Variants in KCNN2 observed in about 807,000 individuals in gnomAD.
KCNN2 encodes the protein small conductance calcium-activated potassium channel protein 2.
In KCNN2, 24 loss-of-function variants were observed where a neutral mutation model predicts 55.5. The observed-to-expected ratio is 0.43, with a 90% CI of 0.31 to 0.61. The LOEUF (loss-of-function observed/expected upper bound fraction) is 0.61, where lower values mean the gene tolerates loss of function less well. Among genes scored for constraint, KCNN2 ranks in the 20% least tolerant of loss-of-function variants. The pLI is 0.08. For synonymous variants in KCNN2, 431 were observed against 336.1 expected (o/e 1.28, Z -3.09); for missense variants, 754 against 853.6 (o/e 0.88, Z 1.45).
chr5:114,134,724 CT>C (rs1561489677), intron 1 of KCNN2, among the ~76,000 whole-genome samples: 5 of 152,106 alleles, frequency 3.3e-5, no homozygotes, highest in African/African-American at 1.2e-4. Flanking sequence ...ATCCATCCGT[CT>C]TGGTCTCCCA....
At chr5:114,141,881 G>T (rs1002536548) in intron 1 of KCNN2, among the ~76,000 whole-genome samples, 17 of 152,358 alleles carry the variant, frequency 1.1e-4, no homozygotes, top group Non-Finnish European at 2.1e-4. Flanking sequence ...CTGATGGCCA[G>T]TGATGATGAG....
chr5:114,392,979 G>A (rs868378973), intron 2 of KCNN2, among the ~76,000 whole-genome samples: 2 of 151,884 alleles, frequency 1.3e-5, no homozygotes, highest in African/African-American at 4.8e-5. Flanking sequence ...CATGGGTTAT[G>A]TGAAGCTTCT....
At chr5:114,230,040 G>A (rs1580641160) in intron 2 of KCNN2, among the ~76,000 whole-genome samples, 1 of 152,084 alleles carries the variant, frequency 6.6e-6, no homozygotes, top group Admixed American at 6.6e-5. Context: ...GTGAGAAATG[G>A]CTCAAACACA....
chr5:114,432,433 G>A (rs338667), intron 3 of KCNN2, among the ~76,000 whole-genome samples: 151,507 of 152,386 alleles, frequency 0.99, 75,323 homozygotes, highest in East Asian at 1. Flanking sequence ...ATCATTCTCT[G>A]TTGCCTTACT....
chr5:114,456,567 A>T (rs1580862640), intron 3 of KCNN2, among the ~76,000 whole-genome samples: 1 of 152,308 alleles, frequency 6.6e-6, no homozygotes, highest in East Asian at 1.9e-4. Flanking sequence ...AAGTCATATT[A>T]TTTCAAAAAT....
chr5:114,057,661 A>G (rs10061762), intron 1 of KCNN2, among the ~76,000 whole-genome samples: 52,601 of 151,966 alleles, frequency 0.35, 9,217 homozygotes, highest in South Asian at 0.43. Flanking sequence ...TATAAAGAAA[A>G]GAGAACAGAG....
At chr5:114,238,521 G>A (rs1439100138) in intron 2 of KCNN2, among the ~76,000 whole-genome samples, 1 of 151,894 alleles carries the variant, frequency 6.6e-6, no homozygotes, top group African/African-American at 2.4e-5. Flanking sequence ...AGCTACTCGG[G>A]GGACTGAGGC....
At chr5:114,272,447 C>CAT (rs10654368) in intron 2 of KCNN2, among the ~76,000 whole-genome samples, 117,750 of 130,642 alleles carry the variant, frequency 0.9, 55,016 homozygotes, top group Middle Eastern at 0.97. Context: ...CATATACACA[C>CAT]ATATGTATGT....
intron 1 of KCNN2, among the ~76,000 whole-genome samples, chr5:114,157,262 C>T (rs1023953217): frequency 6.0e-5 from 9 of 151,030 alleles, no homozygotes; most frequent in East Asian, 2.0e-4. Context: ...GGTGTTTGGC[C>T]CTTTGTCCTT....
chr5:114,279,456 C>A (rs1755571494), intron 2 of KCNN2, among the ~76,000 whole-genome samples: 2 of 152,128 alleles, frequency 1.3e-5, no homozygotes, highest in Admixed American at 6.6e-5. Context: ...CCTGCTCCCC[C>A]CACCCCACAA....
At chr5:114,219,877 T>C (rs1468940364) in intron 1 of KCNN2, among the ~76,000 whole-genome samples, 15 of 152,192 alleles carry the variant, frequency 9.9e-5, no homozygotes, top group Admixed American at 9.8e-4. Context: ...TGGGATAGCA[T>C]CTATAGATAA....
chr5:114,115,504 CA>C (rs373418226), intron 1 of KCNN2, among the ~76,000 whole-genome samples: 141 of 152,176 alleles, frequency 9.3e-4, no homozygotes, highest in African/African-American at 3.3e-3. Flanking sequence ...GGGTAACTTT[CA>C]TCATCTTTCA....
intron 3 of KCNN2, among the ~76,000 whole-genome samples, chr5:114,434,599 G>GTAT (rs1482132143): frequency 2.0e-5 from 3 of 152,148 alleles, no homozygotes; most frequent in South Asian, 4.1e-4. Flanking sequence ...TAATCCCCTG[G>GTAT]TATTATACAA....
At chr5:114,275,337 T>C (rs888124722) in intron 2 of KCNN2, among the ~76,000 whole-genome samples, 4 of 152,242 alleles carry the variant, frequency 2.6e-5, no homozygotes, top group African/African-American at 9.6e-5. Context: ...GTCAGGATGA[T>C]GCTAGCCTCA....
intron 2 of KCNN2, among the ~76,000 whole-genome samples, chr5:114,398,654 A>G (rs924947854): frequency 5.3e-5 from 8 of 152,098 alleles, no homozygotes; most frequent in African/African-American, 1.7e-4. Flanking sequence ...GGCCATTTTA[A>G]CATTACTGAT....
chr5:114,069,976 C>T (rs1750533006), intron 1 of KCNN2, among the ~76,000 whole-genome samples: 1 of 152,194 alleles, frequency 6.6e-6, no homozygotes. Context: ...ATGAATATAT[C>T]TCACTTTTCT....
chr5:114,198,463 T>TAC (rs56335930), intron 1 of KCNN2, among the ~76,000 whole-genome samples: 40,352 of 147,708 alleles, frequency 0.27, 5,648 homozygotes, highest in Middle Eastern at 0.37. Flanking sequence ...TATATACATA[T>TAC]ACACACACAC....
intron 1 of KCNN2, among the ~76,000 whole-genome samples, chr5:114,071,898 T>G (rs1373403180): frequency 1.3e-5 from 2 of 152,204 alleles, no homozygotes; most frequent in African/African-American, 4.8e-5. Flanking sequence ...AGGTGGGGCC[T>G]CATAAAAGAT....
intron 2 of KCNN2, among the ~76,000 whole-genome samples, chr5:114,304,380 A>G (rs1756226886): frequency 6.6e-6 from 1 of 152,172 alleles, no homozygotes; most frequent in Non-Finnish European, 1.5e-5. Context: ...CCCCACTCAG[A>G]CTAAATGTGA....
Sources: gnomAD v4.1 joint callset for allele counts (sites outside exome capture counted in the v4.1 genomes callset) on GRCh38, gnomAD v4.1.1 for gene constraint, MANE v1.5 for transcripts, NCBI Gene and HGNC (gene_info 2026-07-23, HGNC 2026-07-21) for gene names.